The following FOLH1 variants were observed in gnomAD, a reference collection of about 807,000 sequenced individuals.
FOLH1 encodes the protein folate hydrolase 1.
FOLH1 carries 54 observed loss-of-function variants against 93.9 expected under a neutral mutation model. That is an observed-to-expected ratio of 0.57 (90% CI 0.46 to 0.72). The LOEUF is 0.72. Ranked by LOEUF, FOLH1 falls within the 30% of genes least tolerant of loss-of-function variation. The pLI is 0.00. For missense variants in FOLH1, 571 were observed against 892.5 expected (o/e 0.64, Z 4.59); for synonymous variants, 249 against 303.6 (o/e 0.82, Z 1.87).
At chr11:49,151,330 G>A (rs1856485847) in intron 17 of FOLH1, among the ~76,000 whole-genome samples, 1 of 152,196 alleles carries the variant, frequency 6.6e-6, no homozygotes, top group South Asian at 2.1e-4. Flanking sequence ...GATGCAATGG[G>A]TTTCGGAATC....
intron 7 of FOLH1, among the ~76,000 whole-genome samples, chr11:49,180,733 A>C (rs1860626008): frequency 6.6e-6 from 1 of 152,188 alleles, no homozygotes; most frequent in Non-Finnish European, 1.5e-5. Context: ...ATGTTCTTTT[A>C]AACAATTTTT....
chr11:49,192,986 C>A (rs1160656240), intron 3 of FOLH1, 92 bp from the exon 4 acceptor site: 2 of 1,071,612 alleles, frequency 1.9e-6, no homozygotes, highest in Admixed American at 3.0e-5. Context: ...TCTTTTATGT[C>A]AGTAGAGGGT....
chr11:49,185,608 C>A (rs1861272665), intron 6 of FOLH1, 61 bp downstream of exon 6: 32 of 1,597,594 alleles, frequency 2.0e-5, no homozygotes, highest in Middle Eastern at 1.7e-4. Context: ...AAAGGAAATT[C>A]TTTAATAAAG....
chr11:49,197,433 A>G (rs1009530635), intron 3 of FOLH1, among the ~76,000 whole-genome samples: 1 of 152,238 alleles, frequency 6.6e-6, no homozygotes, highest in African/African-American at 2.4e-5. Context: ...GAGTATAACT[A>G]AAACAATATT....
rs766162111 is a variant in FOLH1, at chr11:49,157,950, A to C, written c.1532+2T>G. ...CAGTGGAAACTTCATTCATTTGTTT[A>C]CCTGGGCATGCCACTGAACTCTGGG... On this transcript the variant is annotated splice_donor_variant, in intron 14 of 18. Transcript: ENST00000256999. LOFTEE classifies it high-confidence loss of function. 2 of 1,577,894 alleles carry C rather than the reference A, an allele frequency of 1.3e-6. No homozygotes were observed. The highest frequency in any genetic ancestry group is 1.7e-6 in the Non-Finnish European group (2 of 1,160,456).
At chr11:49,175,114 A>G in intron 8 of FOLH1, 137 bp from the exon 9 acceptor site, 1 of 778,594 alleles carries the variant, frequency 1.3e-6, no homozygotes, top group Non-Finnish European at 2.1e-6. Context: ...TTAACAGGAG[A>G]AAAGGCATAC....
chr11:49,205,053 A>G (rs917754694), intron 2 of FOLH1, among the ~76,000 whole-genome samples: 2 of 152,110 alleles, frequency 1.3e-5, no homozygotes, highest in Non-Finnish European at 2.9e-5. Context: ...TCTATTAAAA[A>G]TACAAAATTA....
In FOLH1 at chr11:49,175,954, T is replaced by G. The variant is rs149084901; in HGVS notation, c.924A>C (p.Lys308Asn). The G allele has an allele frequency of 1.1e-3, 1,854 of 1,612,276 alleles. 1 individual carries two copies. The highest frequency in any genetic ancestry group is 1.4e-3 in the Non-Finnish European group (1,692 of 1,179,474). ...TATCTGGTGGTGCTGAGCCACCCAT[T>G]TTTCTATTGGACACAAAAAAACATT... ...GYYDAQKLLE[K>N]MGGSAPPDSS... Residue 308 changes from lysine (K) to asparagine (N), a missense_variant, in exon 8 of 19, where the codon AAA (lysine) becomes AAC (asparagine). Transcript: ENST00000256999.
At position 49,148,688 on chromosome 11, in the gene FOLH1, C is replaced by A. The variant is rs760548601; in HGVS notation, c.2014G>T (p.Glu672Ter). Residue 672 changes from glutamate (E) to a stop codon, truncating the protein, a stop_gained, in exon 18 of 19, where the codon GAA (glutamate) becomes TAA (stop). Coordinates refer to ENST00000256999, the MANE Select transcript of FOLH1 (RefSeq NM_004476.3). LOFTEE classifies it high-confidence loss of function. ...RMMNDQLMFL[E>*]RAFIDPLGLP... ...CCTAATGGATCAATAAATGCTCTTT[C>A]CAGAAACATGAGTTGATCATTCATC... The A allele has an allele frequency of 6.2e-7, 1 of 1,606,366 alleles. No homozygotes were observed. Among genetic ancestry groups the A allele is most frequent in the East Asian group, 2.2e-5 (1 of 44,498 alleles).
chr11:49,160,165 AG>A (rs1260502700), intron 13 of FOLH1, among the ~76,000 whole-genome samples: 2 of 152,132 alleles, frequency 1.3e-5, no homozygotes, highest in Non-Finnish European at 2.9e-5. Flanking sequence ...GGGGTCAGTG[AG>A]AATATTCCCC....
intron 3 of FOLH1, among the ~76,000 whole-genome samples, chr11:49,193,186 A>T (rs1862259719): frequency 6.6e-6 from 1 of 152,226 alleles, no homozygotes; most frequent in Non-Finnish European, 1.5e-5. Context: ...CAATCATAAA[A>T]TAAGTAAGTA....
intron 7 of FOLH1, among the ~76,000 whole-genome samples, chr11:49,176,566 G>T (rs1167083523): frequency 6.6e-6 from 1 of 152,052 alleles, no homozygotes; most frequent in Non-Finnish European, 1.5e-5. Flanking sequence ...AAATGGTGGG[G>T]TTCTTGTAGT....
Position 49,145,637 on chromosome 11 carries a change from C to A in FOLH1, c.*1119G>T, listed in dbSNP as rs1376829512. 2.0e-5 allele frequency among the ~76,000 whole-genome samples: 3 copies of A among 152,150 alleles called. No homozygotes were observed. The highest frequency in any genetic ancestry group is 1.5e-5 in the Non-Finnish European group (1 of 68,024). On this transcript the variant is annotated 3_prime_UTR_variant, in exon 19 of 19. Transcript: ENST00000256999. ...GCGACTTCTTAACTTTGAGCGAGGCCACAATGTGAGGGGACTCTTCATTGG... is the reference window on the plus strand; with the variant it reads ...GCGACTTCTTAACTTTGAGCGAGGCAACAATGTGAGGGGACTCTTCATTGG...
intron 7 of FOLH1, among the ~76,000 whole-genome samples, chr11:49,177,786 A>G (rs1286811952): frequency 1.2e-4 from 3 of 26,052 alleles, no homozygotes; most frequent in African/African-American, 2.1e-4. Context: ...CGTCTCTACT[A>G]AAAAAAAAAA....
intron 8 of FOLH1, among the ~76,000 whole-genome samples, chr11:49,175,233 G>A (rs111612291): frequency 0.14 from 21,187 of 152,088 alleles, 1,875 homozygotes; most frequent in African/African-American, 0.24. Context: ...GGAGGGGGAA[G>A]TGGGGGAGTG....
At chr11:49,185,311 C>A (rs1159061871) in intron 6 of FOLH1, among the ~76,000 whole-genome samples, 2 of 152,158 alleles carry the variant, frequency 1.3e-5, no homozygotes, top group Non-Finnish European at 2.9e-5. Context: ...CCCCGCCCCC[C>A]ACTTACTACT....
chr11:49,164,970 G>A (rs956151702), intron 12 of FOLH1, among the ~76,000 whole-genome samples, 198 bp from the exon 13 acceptor site: 22 of 152,134 alleles, frequency 1.4e-4, no homozygotes, highest in Middle Eastern at 3.4e-3. Flanking sequence ...TGAAACCCTA[G>A]GTCACCTCTC....
chr11:49,159,682 G>A (rs1857447812), intron 13 of FOLH1, among the ~76,000 whole-genome samples: 1 of 152,020 alleles, frequency 6.6e-6, no homozygotes, highest in Admixed American at 6.6e-5. Flanking sequence ...CTAATTATTT[G>A]GCAATAGTTT....
chr11:49,149,278 C>T (rs1438179635), intron 17 of FOLH1, among the ~76,000 whole-genome samples: 1 of 152,190 alleles, frequency 6.6e-6, no homozygotes, highest in Non-Finnish European at 1.5e-5. Context: ...AAAATTATAT[C>T]GTTTCAAGTG....
Sources: gnomAD v4.1 joint callset for allele counts (sites outside exome capture counted in the v4.1 genomes callset) on GRCh38, gnomAD v4.1.1 for gene constraint, MANE v1.5 for transcripts, NCBI Gene and HGNC (gene_info 2026-07-23, HGNC 2026-07-21) for gene names.